The following ALPK2 variants were observed in gnomAD, a reference collection of about 807,000 sequenced individuals.
The protein encoded by ALPK2 is alpha kinase 2, also known as alpha-protein kinase 2.
Under a neutral mutation model 163.1 loss-of-function variants are expected in ALPK2, and 127 were observed. That is an observed-to-expected ratio of 0.78 (90% CI 0.67 to 0.90). The LOEUF (loss-of-function observed/expected upper bound fraction) is 0.90, where lower values mean the gene tolerates loss of function less well. Among genes scored for constraint, ALPK2 ranks in the 40% least tolerant of loss-of-function variants. The pLI, the probability that ALPK2 is intolerant of heterozygous loss-of-function variation, is 0.00. For synonymous variants in ALPK2, 953 were observed against 959.1 expected, an observed-to-expected ratio of 0.99 and a Z score of 0.12; for missense variants, 2,360 against 2,589.6, an observed-to-expected ratio of 0.91 and a Z score of 1.92.
At chr18:58,624,494 G>A (rs1214056727) in intron 1 of ALPK2, among the ~76,000 whole-genome samples, 2 of 145,128 alleles carry the variant, frequency 1.4e-5, no homozygotes, top group South Asian at 4.3e-4. Context: ...CACTCTTGTT[G>A]CCCAGGCTGG....
At chr18:58,609,942 A>G (rs369992608) in intron 2 of ALPK2, among the ~76,000 whole-genome samples, 3 of 152,154 alleles carry the variant, frequency 2.0e-5, no homozygotes, top group Non-Finnish European at 2.9e-5. Context: ...CTGGGCTTGG[A>G]GAGGCTGAGC....
At chr18:58,490,755 C>A (rs796767542) in intron 12 of ALPK2, among the ~76,000 whole-genome samples, 17 of 152,334 alleles carry the variant, frequency 1.1e-4, no homozygotes, top group African/African-American at 3.1e-4. Flanking sequence ...AATCCCTGTA[C>A]ATTTGCACAG....
chr18:58,524,084 T>C (rs369885283), intron 6 of ALPK2, 22 bp from the exon 7 acceptor site: 25 of 1,597,934 alleles, frequency 1.6e-5, no homozygotes, highest in African/African-American at 2.7e-5. Context: ...AATATTCACA[T>C]TGACACACTT....
chr18:58,508,668 G>A (rs2051473773), intron 10 of ALPK2, among the ~76,000 whole-genome samples: 1 of 152,182 alleles, frequency 6.6e-6, no homozygotes, highest in Non-Finnish European at 1.5e-5. Context: ...GGGGAGCATG[G>A]ATAACCACCC....
At chr18:58,505,274 CATG>C (rs779810081) in intron 10 of ALPK2, among the ~76,000 whole-genome samples, 57 of 152,062 alleles carry the variant, frequency 3.7e-4, no homozygotes, top group Non-Finnish European at 7.4e-4. Context: ...CATCATCCTA[CATG>C]ATGATTTCCT....
intron 4 of ALPK2, among the ~76,000 whole-genome samples, chr18:58,573,332 A>ATG (rs200230659): frequency 2.1e-5 from 3 of 143,240 alleles, no homozygotes; most frequent in Admixed American, 6.9e-5. Context: ...ATATGTATAT[A>ATG]TGTGTATATA....
chr18:58,498,299 A>G (rs1331007251), intron 11 of ALPK2, among the ~76,000 whole-genome samples: 1 of 152,188 alleles, frequency 6.6e-6, no homozygotes, highest in Non-Finnish European at 1.5e-5. Context: ...ATCAAGTCTC[A>G]TGTGAGCAGA....
intron 10 of ALPK2, among the ~76,000 whole-genome samples, chr18:58,513,638 A>G (rs1387249888): frequency 6.6e-6 from 1 of 152,200 alleles, no homozygotes; most frequent in East Asian, 1.9e-4. Flanking sequence ...GCACTCTGGG[A>G]GGCCGAGGCA....
chr18:58,593,285 G>A (rs1335661828), intron 3 of ALPK2, among the ~76,000 whole-genome samples: 1 of 152,168 alleles, frequency 6.6e-6, no homozygotes, highest in Non-Finnish European at 1.5e-5. Flanking sequence ...AAAAAAAGGG[G>A]CTGGGTGCAG....
intron 4 of ALPK2, among the ~76,000 whole-genome samples, chr18:58,563,201 G>T (rs2051834076): frequency 6.6e-6 from 1 of 152,134 alleles, no homozygotes; most frequent in Non-Finnish European, 1.5e-5. Context: ...CTTTTGAGGG[G>T]CTCCTATCTA....
intron 1 of ALPK2, among the ~76,000 whole-genome samples, chr18:58,627,550 A>G (rs1251247675): frequency 6.6e-6 from 1 of 152,158 alleles, no homozygotes; most frequent in African/African-American, 2.4e-5. Context: ...GCTTGAACCC[A>G]GGGGGCGGAG....
At position 58,608,861 on chromosome 18, in the gene ALPK2, A is replaced by C. The variant is rs144355401; in HGVS notation, c.110-1422T>G. Among the ~76,000 whole-genome samples the C allele has an allele frequency of 5.3e-3, 798 of 151,892 alleles. 6 individuals carry two copies. Among genetic ancestry groups the C allele is most frequent in the African/African-American group, 0.018 (734 of 41,406 alleles). ...CAGCTACCTGGGAGGCTGAGACAGG[A>C]GTATGATCTGAGCCTATGTGGTCGA... is the stretch of plus-strand genomic sequence containing the variant. On this transcript the variant is annotated intron_variant, in intron 2 of 12. Transcript: ENST00000361673.
chr18:58,518,634 C>T lies in ALPK2; in HGVS notation c.5666-1452G>A, dbSNP rs556741571. On this transcript the variant is annotated intron_variant, in intron 8 of 12. Coordinates refer to ENST00000361673, the MANE Select transcript of ALPK2 (RefSeq NM_052947.4). ...TAAATTTATAAAGACAAAAAATATT[C>T]TACTCCCCCTTCTACCAGGAAGAAC... Among the ~76,000 whole-genome samples the T allele has an allele frequency of 1.1e-4, 17 of 152,300 alleles. No homozygotes were observed. The South Asian group carries it at 2.9e-3, about 26-fold the overall frequency.
chr18:58,555,516 T>G (rs988210734), intron 4 of ALPK2, among the ~76,000 whole-genome samples: 1 of 152,250 alleles, frequency 6.6e-6, no homozygotes, highest in African/African-American at 2.4e-5. Flanking sequence ...TTCTCATGTC[T>G]GACTTTGAAT....
intron 1 of ALPK2, among the ~76,000 whole-genome samples, chr18:58,625,037 G>T (rs55715803): frequency 0.021 from 3,155 of 152,084 alleles, 122 homozygotes; most frequent in African/African-American, 0.073. Flanking sequence ...TTCTCTTTCT[G>T]CCCTCCATGT....
At chr18:58,552,395 C>T (rs1013369228) in intron 4 of ALPK2, among the ~76,000 whole-genome samples, 6 of 152,148 alleles carry the variant, frequency 3.9e-5, no homozygotes, top group African/African-American at 1.4e-4. Context: ...TCTGTCCCAA[C>T]CCAGCTCACA....
chr18:58,532,493 G>C (rs1456892846), intron 5 of ALPK2, among the ~76,000 whole-genome samples: 1 of 152,180 alleles, frequency 6.6e-6, no homozygotes, highest in African/African-American at 2.4e-5. Context: ...TCCGTCACCA[G>C]ATGACTCCTA....
chr18:58,605,201 G>A (rs985457356), intron 3 of ALPK2, among the ~76,000 whole-genome samples: 3 of 152,076 alleles, frequency 2.0e-5, no homozygotes, highest in East Asian at 1.9e-4. Flanking sequence ...CTGGTCCCTC[G>A]CCTGTTTTTG....
In ALPK2 at chr18:58,535,701, G is replaced by T; in HGVS notation, c.4486C>A (p.Gln1496Lys). The T allele has an allele frequency of 6.2e-7, 1 of 1,614,252 alleles. No homozygotes were observed. The highest frequency in any genetic ancestry group is 1.1e-5 in the South Asian group (1 of 91,084). The change falls in exon 5 of 13, where the codon CAA (glutamine) becomes AAA (lysine). Residue 1496 changes from glutamine to lysine, a missense_variant. By Grantham distance (53) the Gln-to-Lys change is moderately conservative. Coordinates refer to ENST00000361673, the MANE Select transcript of ALPK2 (RefSeq NM_052947.4). ...ATTCTTTCACCGCCTTCGCTGGGTT[G>T]CAGGACTTGCCAAATGGCAGTTTTT... ...EAKTAIWQVL[Q>K]PSEGGERIPS... is the part of the protein sequence containing the mutation.
Sources: allele counts gnomAD v4.1 joint callset (sites outside exome capture counted in the v4.1 genomes callset), GRCh38; gene constraint gnomAD v4.1.1; transcripts MANE v1.5; gene names NCBI Gene and HGNC (gene_info 2026-07-23, HGNC 2026-07-21).